The following SPECC1L variants were observed in gnomAD, a reference collection of about 807,000 sequenced individuals.
SPECC1L encodes the protein cytospin-A.
Under a neutral mutation model 116.8 loss-of-function variants are expected in SPECC1L, and 40 were observed. The ratio of observed to expected loss-of-function variants is 0.34; its 90% CI spans 0.27 to 0.45. SPECC1L has a LOEUF of 0.45. Ranked by LOEUF, SPECC1L falls within the 20% of genes least tolerant of loss-of-function variation. The pLI is 1.00. For synonymous variants in SPECC1L, 504 were observed against 500.6 expected (o/e 1.01, Z -0.09); for missense variants, 1,110 against 1,373.6 (o/e 0.81, Z 3.03).
intron 14 of SPECC1L, among the ~76,000 whole-genome samples, chr22:24,404,158 C>A (rs2042537073): frequency 6.6e-6 from 1 of 152,198 alleles, no homozygotes; most frequent in Admixed American, 6.5e-5. Flanking sequence ...AACCCCCAGC[C>A]CTTCCCTGTG....
intron 2 of SPECC1L, among the ~76,000 whole-genome samples, chr22:24,296,259 G>A (rs1368195294): frequency 6.6e-6 from 1 of 152,198 alleles, no homozygotes; most frequent in African/African-American, 2.4e-5. Flanking sequence ...GATCATGTGA[G>A]GATCCAGTGA....
chr22:24,408,550 TG>T (rs2042633935), intron 14 of SPECC1L, among the ~76,000 whole-genome samples: 1 of 152,254 alleles, frequency 6.6e-6, no homozygotes, highest in African/African-American at 2.4e-5. Flanking sequence ...CAGGTCAGAC[TG>T]TCGGCACACC....
intron 1 of SPECC1L, among the ~76,000 whole-genome samples, chr22:24,274,760 A>C (rs916961393): frequency 5.9e-5 from 9 of 152,226 alleles, no homozygotes; most frequent in Admixed American, 2.0e-4. Flanking sequence ...ACCCTTCAGC[A>C]GCCCCAGTAC....
At chr22:24,382,634 A>C (rs1336662413) in intron 14 of SPECC1L, among the ~76,000 whole-genome samples, 9 of 148,196 alleles carry the variant, frequency 6.1e-5, no homozygotes, top group Non-Finnish European at 1.2e-4. Flanking sequence ...ACCCAGAGGC[A>C]GAGGTTGCAG....
chr22:24,381,660 G>A (rs1444194739), intron 14 of SPECC1L, among the ~76,000 whole-genome samples: 1 of 152,144 alleles, frequency 6.6e-6, no homozygotes, highest in Non-Finnish European at 1.5e-5. Context: ...CGAGGGAGGC[G>A]GATCACGAGA....
chr22:24,414,459 TTGC>T, intron 16 of SPECC1L, 72 bp from the exon 17 acceptor site: 1 of 1,214,516 alleles, frequency 8.2e-7, no homozygotes, highest in Non-Finnish European at 1.2e-6. Flanking sequence ...AGAGCCCATG[TTGC>T]TATGGCAGAG....
intron 12 of SPECC1L, among the ~76,000 whole-genome samples, chr22:24,363,743 A>G (rs2041691597): frequency 6.6e-6 from 1 of 152,226 alleles, no homozygotes; most frequent in African/African-American, 2.4e-5. Context: ...CGAAAAAGAC[A>G]TAATTATAAA....
At chr22:24,337,792 C>T (rs187054532) in intron 9 of SPECC1L, among the ~76,000 whole-genome samples, 15 of 152,254 alleles carry the variant, frequency 9.9e-5, no homozygotes, top group African/African-American at 3.1e-4. Flanking sequence ...CTATGCTCAA[C>T]TGTTTAGATA....
chr22:24,366,865 G>A (rs2041778418), intron 13 of SPECC1L, among the ~76,000 whole-genome samples: 1 of 152,172 alleles, frequency 6.6e-6, no homozygotes, highest in South Asian at 2.1e-4. Flanking sequence ...GTTGTTTATA[G>A]GGATGAAGAA....
At position 24,322,891 on chromosome 22, in the gene SPECC1L, CA is replaced by C. The variant is rs1295460959; in HGVS notation, c.1913del (p.Asn638IlefsTer10). ...ATCTGGCTCATACCCGAAATGATGC[CA>C]ATCGATTACAGGATGCCATTGCTAA... ...EDLAHTRNDANRLQDAIAKVE... is the reference protein window; with the variant it reads ...EDLAHTRNDAXRLQDAIAKVE... On this transcript the variant is annotated frameshift_variant, in exon 5 of 17. Coordinates refer to ENST00000314328, the MANE Select transcript of SPECC1L (RefSeq NM_015330.6). LOFTEE classifies it high-confidence loss of function. 1 of 1,613,830 alleles carries C rather than the reference CA, an allele frequency of 6.2e-7. No individual in the cohort carries two copies. The highest frequency in any genetic ancestry group is 8.5e-7 in the Non-Finnish European group (1 of 1,179,828).
intron 3 of SPECC1L, among the ~76,000 whole-genome samples, chr22:24,305,775 A>G (rs1176097932): frequency 1.3e-5 from 2 of 152,182 alleles, no homozygotes; most frequent in African/African-American, 4.8e-5. Flanking sequence ...CAAGGTGGTT[A>G]CCAGTTTACA....
chr22:24,334,436 A>G lies in SPECC1L; in HGVS notation c.2423A>G (p.Tyr808Cys). The G allele has an allele frequency of 6.2e-7, 1 of 1,614,220 alleles. No individual in the cohort carries two copies. The highest frequency in any genetic ancestry group is 2.2e-5 in the East Asian group (1 of 44,882). Residue 808 changes from tyrosine (Y) to cysteine (C), a missense_variant, in exon 9 of 17, where the codon TAC becomes TGC. By Grantham distance (194) the Tyr-to-Cys change is radical (BLOSUM62 -2). This residue lies in a region of SPECC1L where 575 missense variants were observed against 682.4 expected (regional missense o/e 0.84). Transcript: ENST00000314328. ...CAAGAGGAGGAGCGAGGCCGGGTAT[A>G]CAATTACATGAATGCCGTTGAGAGA... ...RKQEEERGRVYNYMNAVERDL... is the reference protein window; with the variant it reads ...RKQEEERGRVCNYMNAVERDL...
chr22:24,336,483 T>C (rs2041060127), intron 9 of SPECC1L, among the ~76,000 whole-genome samples: 1 of 151,986 alleles, frequency 6.6e-6, no homozygotes, highest in South Asian at 2.1e-4. Flanking sequence ...TGCCTGTAGT[T>C]CCAACTACTT....
intron 2 of SPECC1L, among the ~76,000 whole-genome samples, chr22:24,297,550 T>C (rs920831008): frequency 6.6e-6 from 1 of 152,234 alleles, no homozygotes; most frequent in African/African-American, 2.4e-5. Flanking sequence ...TATATGATTG[T>C]GTCATGCGCA....
intron 14 of SPECC1L, among the ~76,000 whole-genome samples, chr22:24,403,559 A>T (rs2042523746): frequency 6.6e-6 from 1 of 152,188 alleles, no homozygotes; most frequent in Non-Finnish European, 1.5e-5. Flanking sequence ...CCTCCATCAG[A>T]AGCTGTCTCT....
intron 1 of SPECC1L, among the ~76,000 whole-genome samples, chr22:24,274,006 C>T (rs370529639): frequency 8.9e-4 from 136 of 152,356 alleles, no homozygotes; most frequent in African/African-American, 3.2e-3. Context: ...GATCCGCCTG[C>T]CTTGGCCTCC....
At chr22:24,335,333 C>T (rs1440860647) in intron 9 of SPECC1L, among the ~76,000 whole-genome samples, 1 of 152,100 alleles carries the variant, frequency 6.6e-6, no homozygotes, top group Non-Finnish European at 1.5e-5. Flanking sequence ...ATTCAGATTC[C>T]CAAATGCCTC....
intron 2 of SPECC1L, among the ~76,000 whole-genome samples, chr22:24,295,872 C>T (rs1237825106): frequency 1.3e-5 from 2 of 152,062 alleles, no homozygotes; most frequent in Non-Finnish European, 2.9e-5. Context: ...CACTTGAACC[C>T]GGGAGGCAGA....
At chr22:24,372,205 A>G (rs2146658307) in intron 14 of SPECC1L, among the ~76,000 whole-genome samples, 1 of 152,350 alleles carries the variant, frequency 6.6e-6, no homozygotes, top group East Asian at 1.9e-4. Context: ...CCAGAGGTAC[A>G]AGGAGGAGCT....
Sources: gnomAD v4.1 joint callset for allele counts (sites outside exome capture counted in the v4.1 genomes callset) on GRCh38, gnomAD v4.1.1 for gene constraint, gnomAD v4.1.1 regional missense constraint, MANE v1.5 for transcripts, NCBI Gene and HGNC (gene_info 2026-07-23, HGNC 2026-07-21) for gene names.